Variants in WIPF1 observed in about 807,000 individuals in gnomAD.
WIPF1 encodes the protein WAS/WASL-interacting protein family member 1.
A neutral mutation model predicts 35.4 loss-of-function variants in WIPF1; 13 were observed. The ratio of observed to expected loss-of-function variants is 0.37; its 90% CI spans 0.24 to 0.58. WIPF1 has a LOEUF of 0.58. Ranked by LOEUF, WIPF1 falls within the 20% of genes least tolerant of loss-of-function variation. The pLI, the probability that WIPF1 is intolerant of heterozygous loss-of-function variation, is 0.74. For missense variants in WIPF1, 591 were observed against 667.0 expected (o/e 0.89, Z 1.25); for synonymous variants, 267 against 266.3 (o/e 1.00, Z -0.02).
intron 1 of WIPF1, among the ~76,000 whole-genome samples, chr2:174,663,899 C>T (rs1243007137): frequency 6.6e-6 from 1 of 152,164 alleles, no homozygotes; most frequent in African/African-American, 2.4e-5. Context: ...GGCCTGAGAG[C>T]CATAGAGCGT....
chr2:174,639,870 G>C (rs1037493192), intron 1 of WIPF1, among the ~76,000 whole-genome samples: 1 of 151,974 alleles, frequency 6.6e-6, no homozygotes, highest in Non-Finnish European at 1.5e-5. Context: ...AATCTATGTT[G>C]AGTTGATTTT....
chr2:174,654,748 T>C (rs939432071), intron 1 of WIPF1, among the ~76,000 whole-genome samples: 7 of 152,252 alleles, frequency 4.6e-5, no homozygotes, highest in Non-Finnish European at 8.8e-5. Flanking sequence ...CCTCTCACCT[T>C]TGCGCTTCTC....
intron 1 of WIPF1, among the ~76,000 whole-genome samples, chr2:174,637,603 C>T (rs1360016230): frequency 1.3e-5 from 2 of 152,128 alleles, no homozygotes; most frequent in Non-Finnish European, 2.9e-5. Context: ...CTGGCTAACA[C>T]GGTGAAACCC....
Position 174,560,383 on chromosome 2 carries a change from C to T in WIPF1, c.*2164G>A, listed in dbSNP as rs543796467. On this transcript the variant is annotated 3_prime_UTR_variant, in exon 8 of 8. Coordinates refer to ENST00000679041, the MANE Select transcript of WIPF1 (RefSeq NM_001375834.1). Reference sequence around the variant, plus strand: ...AAAGGAATTGTCCAATTCTTACTACCCCTTATAAAATTCAGACCCACTTTC... The same window carrying T: ...AAAGGAATTGTCCAATTCTTACTACTCCTTATAAAATTCAGACCCACTTTC... The T allele has an allele frequency of 6.5e-6, 1 of 152,708 alleles. No homozygotes were observed. Among genetic ancestry groups the T allele is most frequent in the South Asian group, 2.1e-4 (1 of 4,830 alleles). 9.5% of individuals were successfully genotyped at this position (152,708 alleles called of 1,614,324 possible).
intron 4 of WIPF1, among the ~76,000 whole-genome samples, chr2:174,573,501 C>T (rs989169488): frequency 2.6e-5 from 4 of 152,106 alleles, no homozygotes; most frequent in South Asian, 2.1e-4. Context: ...TAAAATAGGC[C>T]GATGAGATCA....
intron 1 of WIPF1, among the ~76,000 whole-genome samples, chr2:174,634,982 G>T (rs115396381): frequency 0.022 from 3,385 of 152,222 alleles, 121 homozygotes; most frequent in African/African-American, 0.075. Flanking sequence ...CCACCCTCAG[G>T]GCAGCTGAGG....
At chr2:174,626,834 C>T (rs932499688) in intron 1 of WIPF1, among the ~76,000 whole-genome samples, 6 of 152,206 alleles carry the variant, frequency 3.9e-5, no homozygotes, top group Admixed American at 1.3e-4. Flanking sequence ...CACTCTTGTG[C>T]TCCCACAGTC....
intron 7 of WIPF1, among the ~76,000 whole-genome samples, chr2:174,565,977 G>C (rs1020846835): frequency 6.6e-6 from 1 of 151,956 alleles, no homozygotes; most frequent in Non-Finnish European, 1.5e-5. Flanking sequence ...TCTGCATCCC[G>C]GGTTCTAGTG....
At chr2:174,581,022 G>T in intron 3 of WIPF1, 1 of 215,752 alleles carries the variant, frequency 4.6e-6, no homozygotes, top group South Asian at 9.3e-5. Flanking sequence ...CTCATCTGTG[G>T]TGCCAGGAGC....
At chr2:174,681,328 C>A (rs1688240993) in intron 1 of WIPF1, among the ~76,000 whole-genome samples, 1 of 152,074 alleles carries the variant, frequency 6.6e-6, no homozygotes, top group South Asian at 2.1e-4. Flanking sequence ...CAGCCTTGTG[C>A]GGCTGATAGG....
At chr2:174,661,573 G>A (rs1481363763) in intron 1 of WIPF1, among the ~76,000 whole-genome samples, 2 of 152,094 alleles carry the variant, frequency 1.3e-5, no homozygotes, top group Non-Finnish European at 2.9e-5. Context: ...TGTCTCGAGC[G>A]TATCCCTATC....
At chr2:174,651,135 T>C (rs1057429673) in intron 1 of WIPF1, among the ~76,000 whole-genome samples, 1 of 152,222 alleles carries the variant, frequency 6.6e-6, no homozygotes, top group African/African-American at 2.4e-5. Flanking sequence ...GCTCAACTGA[T>C]TCCAAGTGGA....
In WIPF1 at chr2:174,562,428, C is replaced by G. The variant is rs1395850924; in HGVS notation, c.*119G>C. On this transcript the variant is annotated 3_prime_UTR_variant, in exon 8 of 8. Coordinates refer to ENST00000679041, the MANE Select transcript of WIPF1 (RefSeq NM_001375834.1). ...ACACACGCATATTCCCACTCCCCCT[C>G]CCACCTTTCCTCCTGCCCATACATG... 6.4e-7 allele frequency: 1 copy of G among 1,560,132 alleles called. No individual in the cohort carries two copies. The highest frequency in any genetic ancestry group is 2.3e-5 in the East Asian group (1 of 43,246).
chr2:174,640,618 T>A (rs1687277580), intron 1 of WIPF1, among the ~76,000 whole-genome samples: 1 of 151,816 alleles, frequency 6.6e-6, no homozygotes, highest in Non-Finnish European at 1.5e-5. Context: ...TGTATTTATT[T>A]ATTATTATTA....
At chr2:174,597,198 A>G (rs1484536138) in intron 1 of WIPF1, among the ~76,000 whole-genome samples, 1 of 152,230 alleles carries the variant, frequency 6.6e-6, no homozygotes, top group African/African-American at 2.4e-5. Context: ...TGAAGCTTCC[A>G]ATGGCTCCTT....
chr2:174,674,414 A>G (rs1688086804), intron 1 of WIPF1, among the ~76,000 whole-genome samples: 1 of 152,188 alleles, frequency 6.6e-6, no homozygotes, highest in African/African-American at 2.4e-5. Flanking sequence ...TAAAACATTT[A>G]TATTTCCTGA....
intron 1 of WIPF1, among the ~76,000 whole-genome samples, chr2:174,626,680 A>G (rs1444395940): frequency 1.3e-5 from 2 of 152,034 alleles, no homozygotes; most frequent in East Asian, 1.9e-4. Flanking sequence ...TTATTTTTCA[A>G]TCCAACTGCC....
intron 2 of WIPF1, among the ~76,000 whole-genome samples, chr2:174,584,984 T>C (rs1209281790): frequency 6.6e-6 from 1 of 151,650 alleles, no homozygotes; most frequent in Admixed American, 6.6e-5. Context: ...AATGCAAGTA[T>C]AGATTTAAAG....
chr2:174,579,026 TG>T (rs1291345688), intron 3 of WIPF1, among the ~76,000 whole-genome samples: 1 of 152,196 alleles, frequency 6.6e-6, no homozygotes, highest in East Asian at 1.9e-4. Flanking sequence ...TTCTTTTTTT[TG>T]TTTTTTTGAG....
Sources: allele counts gnomAD v4.1 joint callset (sites outside exome capture counted in the v4.1 genomes callset), GRCh38; gene constraint gnomAD v4.1.1; transcripts MANE v1.5; gene names NCBI Gene and HGNC (gene_info 2026-07-23, HGNC 2026-07-21).